Variants in FHAD1 observed in about 807,000 individuals in gnomAD.
FHAD1 encodes the protein forkhead associated phosphopeptide binding domain 1, also known as forkhead-associated domain-containing protein 1.
In FHAD1, 146 loss-of-function variants were observed where a neutral mutation model predicts 191.3. The ratio of observed to expected loss-of-function variants is 0.76; its 90% CI spans 0.67 to 0.88. The LOEUF is 0.88. Ranked by LOEUF, FHAD1 falls within the 40% of genes least tolerant of loss-of-function variation. FHAD1 has a pLI of 0.00. For missense variants in FHAD1, 1,635 were observed against 1,785.8 expected, an observed-to-expected ratio of 0.92 and a Z score of 1.52; for synonymous variants, 616 against 672.3, an observed-to-expected ratio of 0.92 and a Z score of 1.29.
intron 8 of FHAD1, among the ~76,000 whole-genome samples, chr1:15,313,614 C>T (rs928517195): frequency 2.0e-5 from 3 of 152,216 alleles, no homozygotes; most frequent in Non-Finnish European, 4.4e-5. Context: ...GGTGGGCTTC[C>T]CCTCATCCCA....
chr1:15,319,132 A>G (rs1675487771), intron 10 of FHAD1, among the ~76,000 whole-genome samples: 1 of 152,180 alleles, frequency 6.6e-6, no homozygotes, highest in African/African-American at 2.4e-5. Flanking sequence ...GCCCAACCAC[A>G]ACTGAGAATA....
Position 15,317,863 on chromosome 1 carries a change from GC to G in FHAD1, c.1301del (p.Ala434GlufsTer3). 6.4e-7 allele frequency: 1 copy of G among 1,551,754 alleles called. No homozygotes were observed. The highest frequency in any genetic ancestry group is 1.2e-5 in the South Asian group (1 of 84,056). ...GGAGAAAGAAATGAAGAAGCTTAGG[GC>G]AGAGCTGAGGAAGAGTTGTACTGAA... The part of the protein sequence containing the change: ...DMEKEMKKLR[A>X]ELRKSCTEQS... On this transcript the variant is annotated frameshift_variant, in exon 10 of 34. Coordinates refer to ENST00000688493, the MANE Select transcript of FHAD1 (RefSeq NM_001391957.1). LOFTEE classifies it high-confidence loss of function.
chr1:15,261,326 C>T (rs762352106), intron 2 of FHAD1, among the ~76,000 whole-genome samples: 1 of 152,184 alleles, frequency 6.6e-6, no homozygotes, highest in Non-Finnish European at 1.5e-5. Flanking sequence ...TGTCTGGGAC[C>T]GTGCAGGGAC....
intron 14 of FHAD1, among the ~76,000 whole-genome samples, chr1:15,339,083 C>G (rs892713699): frequency 3.3e-5 from 5 of 152,194 alleles, no homozygotes; most frequent in African/African-American, 9.7e-5. Context: ...GTGGCACAAT[C>G]TGGGCTCACT....
At chr1:15,398,847 TTTCAC>T (rs1442018473), downstream of FHAD1, among the ~76,000 whole-genome samples, 1 of 148,414 alleles carries the variant, frequency 6.7e-6, no homozygotes. Flanking sequence ...TGAGACAGAG[TTTCAC>T]TCTGGTCGCC....
At chr1:15,250,875 TTTAGGG>T (rs1332554888) in intron 1 of FHAD1, among the ~76,000 whole-genome samples, 2 of 152,062 alleles carry the variant, frequency 1.3e-5, no homozygotes, top group African/African-American at 4.8e-5. Flanking sequence ...TCTATAGAAG[TTTAGGG>T]TTCCTTGGAT....
chr1:15,304,515 G>A (rs1194570720), intron 6 of FHAD1, among the ~76,000 whole-genome samples: 1 of 152,142 alleles, frequency 6.6e-6, no homozygotes, highest in African/African-American at 2.4e-5. Flanking sequence ...CCTTCTGGAA[G>A]TTTCTCTCTG....
chr1:15,285,027 T>G (rs1661947172), intron 3 of FHAD1, among the ~76,000 whole-genome samples: 1 of 152,238 alleles, frequency 6.6e-6, no homozygotes, highest in Non-Finnish European at 1.5e-5. Flanking sequence ...GATCCCAAAC[T>G]CTATGTACAT....
intron 25 of FHAD1, among the ~76,000 whole-genome samples, 158 bp from the exon 26 acceptor site, chr1:15,369,212 C>T (rs1697407324): frequency 6.6e-6 from 1 of 152,226 alleles, no homozygotes; most frequent in African/African-American, 2.4e-5. Context: ...CATAAGTCCC[C>T]TGAAACTGAA....
intron 25 of FHAD1, 83 bp downstream of exon 25, chr1:15,367,705 C>T (rs1696915758): frequency 2.6e-6 from 3 of 1,147,850 alleles, no homozygotes; most frequent in Non-Finnish European, 3.7e-6. Flanking sequence ...GGGCTCAGTA[C>T]ATGCTGCTTG....
chr1:15,306,650 A>G (rs139949727), intron 6 of FHAD1, among the ~76,000 whole-genome samples: 8,859 of 152,308 alleles, frequency 0.058, 271 homozygotes, highest in African/African-American at 0.081. Flanking sequence ...AGGGGCCAAC[A>G]TAGAGCTTGG....
chr1:15,252,312 G>C (rs1311634690), intron 2 of FHAD1, among the ~76,000 whole-genome samples: 1 of 152,188 alleles, frequency 6.6e-6, no homozygotes, highest in Non-Finnish European at 1.5e-5. Flanking sequence ...GAGAGCAGCA[G>C]CTCAGGGCAG....
intron 15 of FHAD1, among the ~76,000 whole-genome samples, chr1:15,340,432 A>C (rs1686091323): frequency 6.6e-6 from 1 of 152,170 alleles, no homozygotes; most frequent in Admixed American, 6.5e-5. Flanking sequence ...TGGTTGATCT[A>C]GACTGGCCTC....
intron 1 of FHAD1, among the ~76,000 whole-genome samples, chr1:15,250,165 T>C (rs1356140389): frequency 6.6e-6 from 1 of 152,240 alleles, no homozygotes; most frequent in Non-Finnish European, 1.5e-5. Context: ...GACTTTTCAA[T>C]TGAATGGAAA....
Position 15,272,411 on chromosome 1 carries a change from G to A in FHAD1, c.182G>A (p.Gly61Asp). 6.4e-7 allele frequency: 1 copy of A among 1,551,718 alleles called. No homozygotes were observed. The highest frequency in any genetic ancestry group is 8.7e-7 in the Non-Finnish European group (1 of 1,147,002). ...FVLQDFNSRN[G>D]TFVNECHIQN... Reference sequence around the variant, plus strand: ...CTCCAGGACTTCAATTCCCGCAACGGCACGTTTGTCAACGAGTGCCACATT... The same window carrying A: ...CTCCAGGACTTCAATTCCCGCAACGACACGTTTGTCAACGAGTGCCACATT... The change falls in exon 3 of 34, where the codon GGC becomes GAC. Residue 61 changes from glycine (G) to aspartate (D), a missense_variant. Gly to Asp is a moderately conservative substitution (Grantham distance 94). Coordinates refer to ENST00000688493, the MANE Select transcript of FHAD1 (RefSeq NM_001391957.1).
chr1:15,366,354 C>T (rs907319284), intron 24 of FHAD1, among the ~76,000 whole-genome samples: 5 of 150,664 alleles, frequency 3.3e-5, no homozygotes, highest in South Asian at 4.2e-4. Flanking sequence ...CCTGTGCTGT[C>T]GCAGCACCTT....
At position 15,360,414 on chromosome 1, in the gene FHAD1, G is replaced by C. The variant is rs1305960492; in HGVS notation, c.2737-64G>C. 2.9e-6 allele frequency: 4 copies of C among 1,400,344 alleles called. No individual in the cohort carries two copies. The African/African-American group carries it at 4.3e-5, about 15-fold the overall frequency. The allele number at this position is 1,400,344 out of a possible 1,614,324, so 86.7% of individuals were successfully genotyped here. A position where few individuals can be genotyped will look rare whatever the true frequency, so the allele number is the denominator to read the frequency against. On this transcript the variant is annotated intron_variant, in intron 21 of 33. Coordinates refer to ENST00000688493, the MANE Select transcript of FHAD1 (RefSeq NM_001391957.1). ...TAGCACCTATGTGTGTGCCCAGGGG[G>C]CATATTATTGTTGCCGTCATACACA...
intron 18 of FHAD1, 88 bp from the exon 19 acceptor site, chr1:15,348,954 C>CTAG: frequency 1.2e-6 from 1 of 867,318 alleles, no homozygotes; most frequent in East Asian, 2.7e-5. Flanking sequence ...GTTATTGTTA[C>CTAG]TATTATTATT....
Position 15,329,026 on chromosome 1 carries a change from A to AAC in FHAD1, c.1711-319_1711-318insCA. 5.2e-6 allele frequency: 1 copy of AAC among 192,764 alleles called. No individual in the cohort carries two copies. The highest frequency in any genetic ancestry group is 1.1e-5 in the Non-Finnish European group (1 of 95,058). The allele number at this position is 192,764 out of a possible 1,614,324, so 11.9% of individuals were successfully genotyped here. A position where few individuals can be genotyped will look rare whatever the true frequency, so the allele number is the denominator to read the frequency against. On this transcript the variant is annotated intron_variant, in intron 13 of 33. Transcript: ENST00000688493. This position sits in a 1 kb window ranked among gnomAD's most constrained non-coding sequence, Gnocchi z 5.0. The stretch of plus-strand genomic sequence containing the variant: ...CAGCTTGTGTGTTGATCTTGGCAGG[A>AAC]ATTCTGACGAATGGAAAAAAGAAGT...
Sources: gnomAD v4.1 joint callset for allele counts (sites outside exome capture counted in the v4.1 genomes callset) on GRCh38, gnomAD v4.1.1 for gene constraint, Gnocchi (gnomAD v3.1) non-coding constraint, MANE v1.5 for transcripts, NCBI Gene and HGNC (gene_info 2026-07-23, HGNC 2026-07-21) for gene names.